The following GRID2 variants were observed in gnomAD, a reference collection of about 807,000 sequenced individuals.
GRID2 encodes glutamate receptor ionotropic, delta-2.
GRID2 carries 33 observed loss-of-function variants against 114.8 expected under a neutral mutation model. The ratio of observed to expected loss-of-function variants is 0.29; its 90% CI spans 0.22 to 0.38. The LOEUF is 0.38. Ranked by LOEUF, GRID2 falls within the 10% of genes least tolerant of loss-of-function variation. GRID2 has a pLI of 1.00. For synonymous variants in GRID2, 505 were observed against 449.9 expected (o/e 1.12, Z -1.55); for missense variants, 1,184 against 1,257.7 (o/e 0.94, Z 0.89).
chr4:93,244,496 T>TTAATATA (rs1157374245), intron 8 of GRID2, among the ~76,000 whole-genome samples: 1 of 52,386 alleles, frequency 1.9e-5, no homozygotes, highest in Non-Finnish European at 4.1e-5. Context: ...AATCTATTAA[T>TTAATATA]TAATAGATTA....
chr4:93,682,444 G>T (rs1042365523), intron 14 of GRID2, among the ~76,000 whole-genome samples: 47 of 150,494 alleles, frequency 3.1e-4, no homozygotes, highest in Middle Eastern at 3.4e-3. Flanking sequence ...TATACCCAAA[G>T]GACTATAAAT....
rs139079858 is a variant in GRID2, at chr4:92,822,784, C to T, written c.244+232498C>T. 3.3e-4 allele frequency: 53 copies of T among 158,544 alleles called. No homozygotes were observed. In the East Asian group the frequency reaches 9.6e-3, roughly 29 times the overall value. 9.8% of individuals were successfully genotyped at this position (158,544 alleles called of 1,614,324 possible). A position where few individuals can be genotyped will look rare whatever the true frequency, so the allele number is the denominator to read the frequency against. On this transcript the variant is annotated intron_variant, in intron 2 of 15. Coordinates refer to ENST00000282020, the MANE Select transcript of GRID2 (RefSeq NM_001510.4). ...TGCTGTGGGATGCCATAGTTGGTTTCGTCCCTGTTCAATGTCCACATGATG... is the reference window on the plus strand; with the variant it reads ...TGCTGTGGGATGCCATAGTTGGTTTTGTCCCTGTTCAATGTCCACATGATG...
chr4:92,698,590 T>G (rs1480444662), intron 2 of GRID2, among the ~76,000 whole-genome samples: 1 of 151,916 alleles, frequency 6.6e-6, no homozygotes, highest in Non-Finnish European at 1.5e-5. Context: ...CTTTTAGAAA[T>G]GTCCATCTTA....
intron 12 of GRID2, among the ~76,000 whole-genome samples, chr4:93,506,251 C>A (rs554164194): frequency 1.3e-5 from 2 of 152,066 alleles, no homozygotes; most frequent in Admixed American, 1.3e-4. Flanking sequence ...ATACTTTCGT[C>A]GGGACAGAGT....
chr4:93,737,224 G>T (rs1452291038), intron 14 of GRID2, among the ~76,000 whole-genome samples: 1 of 151,906 alleles, frequency 6.6e-6, no homozygotes, highest in Non-Finnish European at 1.5e-5. Context: ...AGTAAAATGG[G>T]TATTTCACAA....
At chr4:93,454,895 ATAT>A (rs1415673339) in intron 10 of GRID2, among the ~76,000 whole-genome samples, 1 of 152,074 alleles carries the variant, frequency 6.6e-6, no homozygotes, top group Non-Finnish European at 1.5e-5. Context: ...ATGTATTATC[ATAT>A]TATGCAGTTT....
intron 2 of GRID2, among the ~76,000 whole-genome samples, chr4:92,977,430 C>T (rs1041745898): frequency 2.0e-5 from 3 of 152,148 alleles, no homozygotes; most frequent in Non-Finnish European, 2.9e-5. Flanking sequence ...ATTAATATAA[C>T]TGGCATATTG....
At chr4:93,172,107 C>A (rs1461171924) in intron 4 of GRID2, among the ~76,000 whole-genome samples, 2 of 152,158 alleles carry the variant, frequency 1.3e-5, no homozygotes, top group African/African-American at 4.8e-5. Flanking sequence ...ATTTCATCTT[C>A]ACCTACAAGT....
intron 1 of GRID2, among the ~76,000 whole-genome samples, chr4:92,589,137 G>A (rs1413235817): frequency 6.6e-6 from 1 of 152,030 alleles, no homozygotes; most frequent in Non-Finnish European, 1.5e-5. Context: ...CAAACAAAAA[G>A]AGCAGTGAAA....
In GRID2 at chr4:92,721,756, G is replaced by A. The variant is rs115951949; in HGVS notation, c.244+131470G>A. Among the ~76,000 whole-genome samples, 1,519 of 152,188 alleles carry A rather than the reference G, an allele frequency of 1.0e-2. 23 individuals are homozygous for A. The highest frequency in any genetic ancestry group is 0.035 in the African/African-American group (1,456 of 41,526). The stretch of plus-strand genomic sequence containing the variant: ...TAAAATAAACTCTTAGAAATTTTCA[G>A]AAGGAACATCTTTGTGGAAGTAGAA... On this transcript the variant is annotated intron_variant, in intron 2 of 15. Transcript: ENST00000282020.
At chr4:92,438,603 T>C (rs1199905082) in intron 1 of GRID2, among the ~76,000 whole-genome samples, 1 of 151,998 alleles carries the variant, frequency 6.6e-6, no homozygotes, top group East Asian at 1.9e-4. Context: ...TGTGTGTGTG[T>C]GTGTGTTTCT....
At position 93,650,267 on chromosome 4, in the gene GRID2, C is replaced by T. The variant is rs114685227; in HGVS notation, c.2360+23832C>T. 8.0e-3 allele frequency among the ~76,000 whole-genome samples: 1,219 copies of T among 152,258 alleles called. 18 individuals are homozygous for T. Among genetic ancestry groups the T allele is most frequent in the African/African-American group, 0.027 (1,137 of 41,540 alleles). On this transcript the variant is annotated intron_variant, in intron 14 of 15. Transcript: ENST00000282020. Reference sequence around the variant, plus strand: ...TGGGGAAAAAAAATAAGGACAAAATCATCAGATGTTAACTCAATTACCTCA... The same window carrying T: ...TGGGGAAAAAAAATAAGGACAAAATTATCAGATGTTAACTCAATTACCTCA...
chr4:93,311,005 A>G (rs187963711), intron 8 of GRID2, among the ~76,000 whole-genome samples: 16 of 152,312 alleles, frequency 1.1e-4, no homozygotes, highest in Non-Finnish European at 2.1e-4. Flanking sequence ...TGAATAAACA[A>G]TTGGAACTCA....
At chr4:92,411,106 C>G (rs1731278616) in intron 1 of GRID2, among the ~76,000 whole-genome samples, 1 of 152,064 alleles carries the variant, frequency 6.6e-6, no homozygotes, top group African/African-American at 2.4e-5. Flanking sequence ...CAGATTCTGG[C>G]ATGTGGTGGG....
At chr4:92,463,612 T>C (rs1271032700) in intron 1 of GRID2, among the ~76,000 whole-genome samples, 1 of 152,004 alleles carries the variant, frequency 6.6e-6, no homozygotes, top group East Asian at 1.9e-4. Context: ...TCACTGAAAT[T>C]GTCAACAGTG....
At chr4:93,556,761 G>A (rs1017834450) in intron 13 of GRID2, among the ~76,000 whole-genome samples, 7 of 151,918 alleles carry the variant, frequency 4.6e-5, no homozygotes, top group African/African-American at 9.7e-5. Flanking sequence ...ACAATGATAC[G>A]CCTCGAGAAA....
intron 1 of GRID2, among the ~76,000 whole-genome samples, chr4:92,567,875 G>A (rs764876429): frequency 6.6e-6 from 1 of 151,966 alleles, no homozygotes; most frequent in African/African-American, 2.4e-5. Context: ...GTAATTCAGA[G>A]TTAACACAGC....
chr4:93,088,147 T>G (rs1333572715), intron 3 of GRID2, among the ~76,000 whole-genome samples: 1 of 152,140 alleles, frequency 6.6e-6, no homozygotes, highest in Non-Finnish European at 1.5e-5. Context: ...AGCAGTTAAT[T>G]ATAATTAAGG....
chr4:93,342,729 TG>T (rs1157155694), intron 8 of GRID2, among the ~76,000 whole-genome samples: 16 of 152,192 alleles, frequency 1.1e-4, no homozygotes, highest in African/African-American at 3.6e-4. Flanking sequence ...AAATCAACTA[TG>T]GTGCAAAGAA....
Sources: allele counts gnomAD v4.1 joint callset (sites outside exome capture counted in the v4.1 genomes callset), GRCh38; gene constraint gnomAD v4.1.1; transcripts MANE v1.5; gene names NCBI Gene and HGNC (gene_info 2026-07-23, HGNC 2026-07-21).